EYA3: variants seen among roughly 807,000 people sequenced by gnomAD.
EYA3 encodes protein phosphatase EYA3.
EYA3 carries 39 observed loss-of-function variants against 80.0 expected under a neutral mutation model. The observed-to-expected ratio is 0.49, with a 90% CI of 0.38 to 0.64. The LOEUF is 0.64. Among genes scored for constraint, EYA3 ranks in the 30% least tolerant of loss-of-function variants. The probability of loss-of-function intolerance (pLI) is 0.00; values close to 1 mark genes in which losing one functional copy is unlikely to be tolerated. For synonymous variants in EYA3, 206 were observed against 232.8 expected, an observed-to-expected ratio of 0.88 and a Z score of 1.05; for missense variants, 523 against 676.1, an observed-to-expected ratio of 0.77 and a Z score of 2.51.
chr1:28,054,958 T>A (rs1644386821), intron 2 of EYA3, among the ~76,000 whole-genome samples: 1 of 152,216 alleles, frequency 6.6e-6, no homozygotes, highest in Non-Finnish European at 1.5e-5. Flanking sequence ...TAGTGCTAAC[T>A]TAATGCTGAT....
chr1:27,975,790 TTTAAA>T (rs1281396673), intron 17 of EYA3, among the ~76,000 whole-genome samples: 2 of 151,662 alleles, frequency 1.3e-5, no homozygotes, highest in East Asian at 1.9e-4. Flanking sequence ...GGCCGATATT[TTTAAA>T]TTAAATTAAA....
chr1:27,972,234 CAG>C lies in EYA3; in HGVS notation c.*2230_*2231del, dbSNP rs1638761589. ...TGCATAGGGGGAGGGTTTGAGGCCTCAGAGTAAAACCTAGAGCTTCCTAAGAT... is the reference window on the plus strand; with the variant it reads ...TGCATAGGGGGAGGGTTTGAGGCCTCAGTAAAACCTAGAGCTTCCTAAGAT... On this transcript the variant is annotated 3_prime_UTR_variant, in exon 18 of 18. Transcript: ENST00000373871. 1 of 152,158 alleles carries C rather than the reference CAG, an allele frequency of 6.6e-6. No individual in the cohort carries two copies. Among genetic ancestry groups the C allele is most frequent in the South Asian group, 2.1e-4 (1 of 4,828 alleles). The allele number at this position is 152,158 out of a possible 1,614,324, so 9.4% of individuals were successfully genotyped here.
intron 1 of EYA3, among the ~76,000 whole-genome samples, chr1:28,079,407 CT>C (rs978437418): frequency 6.6e-6 from 1 of 152,164 alleles, no homozygotes; most frequent in Non-Finnish European, 1.5e-5. Context: ...CCTCAGTCCT[CT>C]TTTTTTGGTT....
chr1:28,046,074 A>G (rs1489002684), intron 3 of EYA3, among the ~76,000 whole-genome samples: 1 of 152,178 alleles, frequency 6.6e-6, no homozygotes, highest in African/African-American at 2.4e-5. Flanking sequence ...CAGAAAGTAG[A>G]ATGGTGGTTG....
rs959198461 is a variant in EYA3 at position 27,971,913 on chromosome 1, A to C, written c.*2553T>G. ...TCTCTTCCATTTAAATGAGGGTGGC[A>C]ACAACCAGGAATGAGCAAAGACTGC... is the stretch of plus-strand genomic sequence containing the variant. On this transcript the variant is annotated 3_prime_UTR_variant, in exon 18 of 18. Coordinates refer to ENST00000373871, the MANE Select transcript of EYA3 (RefSeq NM_001990.4). The C allele has an allele frequency of 6.6e-6, 1 of 152,248 alleles. No individual in the cohort carries two copies. Among genetic ancestry groups the C allele is most frequent in the Non-Finnish European group, 1.5e-5 (1 of 68,074 alleles). The allele number at this position is 152,248 out of a possible 1,614,324, so 9.4% of individuals were successfully genotyped here. A position where few individuals can be genotyped will look rare whatever the true frequency, so the allele number is the denominator to read the frequency against.
chr1:28,067,484 G>C (rs1227459069), intron 1 of EYA3, among the ~76,000 whole-genome samples: 2 of 152,044 alleles, frequency 1.3e-5, no homozygotes, highest in Non-Finnish European at 2.9e-5. Flanking sequence ...AAATGTTCAA[G>C]ACATTAAGCT....
chr1:28,085,342 T>C (rs1270831287), intron 1 of EYA3, among the ~76,000 whole-genome samples: 1 of 152,126 alleles, frequency 6.6e-6, no homozygotes, highest in Non-Finnish European at 1.5e-5. Context: ...GTCCCAGCTA[T>C]TCTGGAGGCT....
At chr1:27,977,377 A>C in intron 17 of EYA3, 1 of 1,550,376 alleles carries the variant, frequency 6.5e-7, no homozygotes, top group South Asian at 1.2e-5. Flanking sequence ...TCCATGTCTA[A>C]GAAATAGAGT....
chr1:28,061,919 T>C (rs1442647759), intron 1 of EYA3, among the ~76,000 whole-genome samples: 5 of 152,138 alleles, frequency 3.3e-5, no homozygotes, highest in African/African-American at 1.2e-4. Flanking sequence ...TTTTGTTTGT[T>C]TGTTTGTTTT....
rs781516369 is a variant in EYA3 at position 27,978,526 on chromosome 1, A to G, written c.1541-52T>C. 2.2e-5 allele frequency: 33 copies of G among 1,476,058 alleles called. 1 individual carries two copies. Among genetic ancestry groups the G allele is most frequent in the Middle Eastern group, 3.5e-4 (2 of 5,796 alleles). The allele number at this position is 1,476,058 out of a possible 1,614,324, so 91.4% of individuals were successfully genotyped here. ...AGAATACTCTTCTCTTCTTTTCAAAACCAAAGAAGAGGGCTGCTGCTAGGT... is the reference window on the plus strand; with the variant it reads ...AGAATACTCTTCTCTTCTTTTCAAAGCCAAAGAAGAGGGCTGCTGCTAGGT... On this transcript the variant is annotated intron_variant, in intron 16 of 17. Transcript: ENST00000373871.
intron 7 of EYA3, among the ~76,000 whole-genome samples, chr1:28,027,370 A>G (rs565320372): frequency 2.6e-5 from 4 of 152,324 alleles, no homozygotes; most frequent in South Asian, 2.1e-4. Flanking sequence ...TAAATGGGGT[A>G]TAAGTGTGAC....
In EYA3 at chr1:28,082,976, C is replaced by T. The variant is rs56097138; in HGVS notation, c.-69+5548G>A. Among the ~76,000 whole-genome samples the T allele has an allele frequency of 9.2e-3, 1,397 of 152,198 alleles. 10 individuals carry two copies. Among genetic ancestry groups the T allele is most frequent in the African/African-American group, 0.017 (698 of 41,536 alleles). The stretch of plus-strand genomic sequence containing the variant: ...CCTTAAGCCAGCATTAGTAAAAAGG[C>T]CAAGTAAAACCCTCCTTAAGGTTCC... On this transcript the variant is annotated intron_variant, in intron 1 of 17. Coordinates refer to ENST00000373871, the MANE Select transcript of EYA3 (RefSeq NM_001990.4).
intron 7 of EYA3, among the ~76,000 whole-genome samples, chr1:28,026,858 A>T (rs1247243775): frequency 1.3e-5 from 2 of 152,092 alleles, no homozygotes; most frequent in Admixed American, 6.6e-5. Context: ...GAACATAGAG[A>T]CCAGTTCTGT....
chr1:27,973,668 G>C lies in EYA3; in HGVS notation c.*798C>G, dbSNP rs1638810653. Reference sequence around the variant, plus strand: ...GAAATGCCAAAGTTTAAGTTACTCAGTGTCCAGTGCCCCACAGTTCACCAG... The same window carrying C: ...GAAATGCCAAAGTTTAAGTTACTCACTGTCCAGTGCCCCACAGTTCACCAG... On this transcript the variant is annotated 3_prime_UTR_variant, in exon 18 of 18. Coordinates refer to ENST00000373871, the MANE Select transcript of EYA3 (RefSeq NM_001990.4). The C allele has an allele frequency of 1.3e-5, 2 of 152,196 alleles. No individual in the cohort carries two copies. Among genetic ancestry groups the C allele is most frequent in the Admixed American group, 6.6e-5 (1 of 15,254 alleles). 9.4% of individuals were successfully genotyped at this position (152,196 alleles called of 1,614,324 possible). A position where few individuals can be genotyped will look rare whatever the true frequency, so the allele number is the denominator to read the frequency against.
intron 13 of EYA3, among the ~76,000 whole-genome samples, chr1:27,996,733 A>C (rs1425886445): frequency 2.0e-5 from 3 of 152,212 alleles, no homozygotes; most frequent in Non-Finnish European, 4.4e-5. Flanking sequence ...ATATGAAAAG[A>C]TGTGACAGGT....
At position 28,009,116 on chromosome 1, in the gene EYA3, T is replaced by C. The variant is rs1347943567; in HGVS notation, c.909+1831A>G. Reference sequence around the variant, plus strand: ...CAAAAAGTGGAGCACAGAATTACAATAGCATCCAGCAATTCCACTCCTACA... The same window carrying C: ...CAAAAAGTGGAGCACAGAATTACAACAGCATCCAGCAATTCCACTCCTACA... On this transcript the variant is annotated intron_variant, in intron 10 of 17. Transcript: ENST00000373871. The surrounding 1 kb of genome is among the most constrained non-coding windows in gnomAD (Gnocchi z 4.8). 6.6e-6 allele frequency among the ~76,000 whole-genome samples: 1 copy of C among 152,096 alleles called. No individual in the cohort carries two copies. The highest frequency in any genetic ancestry group is 1.5e-5 in the Non-Finnish European group (1 of 68,024).
intron 2 of EYA3, among the ~76,000 whole-genome samples, chr1:28,056,788 C>T (rs769131212): frequency 1.3e-4 from 20 of 152,152 alleles, no homozygotes; most frequent in Non-Finnish European, 2.4e-4. Context: ...ACTAACAATA[C>T]CCATATTTCA....
At chr1:28,032,346 T>C (rs1007062885) in intron 6 of EYA3, among the ~76,000 whole-genome samples, 2 of 152,210 alleles carry the variant, frequency 1.3e-5, no homozygotes, top group African/African-American at 2.4e-5. Context: ...ATTTAACACA[T>C]ACCTTAATAT....
intron 7 of EYA3, 90 bp downstream of exon 7, chr1:28,027,699 T>C: frequency 6.6e-7 from 1 of 1,522,712 alleles, no homozygotes; most frequent in Non-Finnish European, 9.0e-7. Context: ...TCCTGTATTA[T>C]CCAATTTGTT....
Sources: gnomAD v4.1 joint callset for allele counts (sites outside exome capture counted in the v4.1 genomes callset) on GRCh38, gnomAD v4.1.1 for gene constraint, Gnocchi (gnomAD v3.1) non-coding constraint, MANE v1.5 for transcripts, NCBI Gene and HGNC (gene_info 2026-07-23, HGNC 2026-07-21) for gene names.